Variants in HS6ST3 observed in about 807,000 individuals in gnomAD.
HS6ST3 encodes heparan sulfate 6-O-sulfotransferase 3.
In HS6ST3, 12 loss-of-function variants were observed where a neutral mutation model predicts 36.7. That is an observed-to-expected ratio of 0.33 (90% CI 0.21 to 0.53). The LOEUF is 0.53. Among genes scored for constraint, HS6ST3 ranks in the 20% least tolerant of loss-of-function variants. The pLI, the probability that HS6ST3 is intolerant of heterozygous loss-of-function variation, is 0.95. For missense variants in HS6ST3, 584 were observed against 640.9 expected, an observed-to-expected ratio of 0.91 and a Z score of 0.96; for synonymous variants, 240 against 257.5, an observed-to-expected ratio of 0.93 and a Z score of 0.65.
chr13:96,385,263 A>G (rs1384102460), intron 1 of HS6ST3, among the ~76,000 whole-genome samples: 5 of 152,142 alleles, frequency 3.3e-5, no homozygotes, highest in Non-Finnish European at 7.4e-5. Flanking sequence ...AAGAAAGAAT[A>G]TAAGTGAATA....
intron 1 of HS6ST3, among the ~76,000 whole-genome samples, chr13:96,495,889 G>A (rs35174180): frequency 1.8e-4 from 28 of 152,306 alleles, no homozygotes; most frequent in Middle Eastern, 3.4e-3. Context: ...CGTGAAGAGC[G>A]CAGTAGTTCC....
chr13:96,585,346 A>T (rs1347835156), intron 1 of HS6ST3, among the ~76,000 whole-genome samples: 2 of 152,282 alleles, frequency 1.3e-5, no homozygotes, highest in African/African-American at 4.8e-5. Context: ...ACATTTTTTT[A>T]AATTTTTAAT....
chr13:96,151,789 C>T (rs962450135), intron 1 of HS6ST3, among the ~76,000 whole-genome samples: 1 of 152,164 alleles, frequency 6.6e-6, no homozygotes, highest in Non-Finnish European at 1.5e-5. Flanking sequence ...TGGTGTTCAG[C>T]TGCAGCACCT....
chr13:96,678,834 C>T (rs2056708296), intron 1 of HS6ST3, among the ~76,000 whole-genome samples: 1 of 152,054 alleles, frequency 6.6e-6, no homozygotes, highest in Non-Finnish European at 1.5e-5. Flanking sequence ...CTCCCTATCC[C>T]TTTCATTATT....
chr13:96,830,495 A>T (rs1258895349), intron 1 of HS6ST3, among the ~76,000 whole-genome samples: 2 of 152,206 alleles, frequency 1.3e-5, no homozygotes, highest in Non-Finnish European at 2.9e-5. Flanking sequence ...TATCTATCTT[A>T]TATATCTGTG....
intron 1 of HS6ST3, among the ~76,000 whole-genome samples, chr13:96,488,478 G>A (rs1054581933): frequency 6.6e-6 from 1 of 152,082 alleles, no homozygotes; most frequent in Admixed American, 6.6e-5. Context: ...GTTCCTGAAA[G>A]TTAGACTGTA....
chr13:96,327,942 A>G (rs1308768981), intron 1 of HS6ST3, among the ~76,000 whole-genome samples: 2 of 136,448 alleles, frequency 1.5e-5, no homozygotes, highest in Non-Finnish European at 3.2e-5. Flanking sequence ...CTTTGAAGCA[A>G]TTGTGAATGG....
intron 1 of HS6ST3, among the ~76,000 whole-genome samples, chr13:96,814,369 A>T (rs1878378092): frequency 6.6e-6 from 1 of 152,186 alleles, no homozygotes. Flanking sequence ...CATTATTTCT[A>T]GTCTTCAGAG....
intron 1 of HS6ST3, among the ~76,000 whole-genome samples, chr13:96,261,290 A>G (rs914487198): frequency 6.7e-6 from 1 of 150,104 alleles, no homozygotes; most frequent in Non-Finnish European, 1.5e-5. Flanking sequence ...AAATATATAT[A>G]TACACATATA....
At chr13:96,212,494 A>G (rs1306387342) in intron 1 of HS6ST3, among the ~76,000 whole-genome samples, 2 of 152,238 alleles carry the variant, frequency 1.3e-5, no homozygotes, top group East Asian at 1.9e-4. Context: ...TTCAAATTAC[A>G]TAAATGTAGT....
chr13:96,134,386 A>G (rs1181121632), intron 1 of HS6ST3, among the ~76,000 whole-genome samples: 2 of 151,680 alleles, frequency 1.3e-5, no homozygotes, highest in African/African-American at 2.4e-5. Context: ...TTTTGGTGTC[A>G]TGGTTTTACC....
At chr13:96,427,243 T>C in intron 1 of HS6ST3, 1 of 154,502 alleles carries the variant, frequency 6.5e-6, no homozygotes, top group Middle Eastern at 5.2e-4. Context: ...TGACCTCGGA[T>C]GAATCACTGA....
intron 1 of HS6ST3, among the ~76,000 whole-genome samples, chr13:96,446,000 G>A (rs138200376): frequency 0.012 from 1,766 of 151,998 alleles, 30 homozygotes; most frequent in African/African-American, 0.041. Context: ...GTGAAACCCC[G>A]TCTCTACTAA....
chr13:96,221,236 T>TG (rs1407311789), intron 1 of HS6ST3, among the ~76,000 whole-genome samples: 3 of 152,206 alleles, frequency 2.0e-5, no homozygotes, highest in African/African-American at 7.2e-5. Context: ...AGAGAGTTTT[T>TG]GGGAAATACC....
chr13:96,668,460 T>C (rs538073942), intron 1 of HS6ST3, among the ~76,000 whole-genome samples: 2 of 152,196 alleles, frequency 1.3e-5, no homozygotes, highest in African/African-American at 4.8e-5. Context: ...CCTGACATAA[T>C]AAGACCTGCT....
chr13:96,118,310 A>G (rs1056135741), intron 1 of HS6ST3, among the ~76,000 whole-genome samples: 10 of 152,148 alleles, frequency 6.6e-5, no homozygotes, highest in Non-Finnish European at 1.5e-4. Context: ...CGCAGAGGGA[A>G]GATCATGTGA....
At chr13:96,568,686 C>T (rs2056290554) in intron 1 of HS6ST3, among the ~76,000 whole-genome samples, 1 of 152,140 alleles carries the variant, frequency 6.6e-6, no homozygotes. Flanking sequence ...TCTGAGAACA[C>T]AGGGTTTGGG....
intron 1 of HS6ST3, among the ~76,000 whole-genome samples, chr13:96,788,877 A>T (rs527421567): frequency 6.6e-6 from 1 of 152,004 alleles, no homozygotes; most frequent in South Asian, 2.1e-4. Flanking sequence ...TGCATGAGTA[A>T]CATTTTTTAT....
At chr13:96,261,527 A>G (rs1426428263) in intron 1 of HS6ST3, among the ~76,000 whole-genome samples, 1 of 152,208 alleles carries the variant, frequency 6.6e-6, no homozygotes, top group Non-Finnish European at 1.5e-5. Context: ...CACAAATACA[A>G]GACTATAGTG....
Sources: gnomAD v4.1 joint callset for allele counts (sites outside exome capture counted in the v4.1 genomes callset) on GRCh38, gnomAD v4.1.1 for gene constraint, MANE v1.5 for transcripts, NCBI Gene and HGNC (gene_info 2026-07-23, HGNC 2026-07-21) for gene names.